FGF12: variants seen among roughly 807,000 people sequenced by gnomAD.
The protein encoded by FGF12 is fibroblast growth factor 12, also known as fibroblast growth factor 12B.
FGF12 carries 14 observed loss-of-function variants against 23.6 expected under a neutral mutation model. That is an observed-to-expected ratio of 0.59 (90% CI 0.39 to 0.93). The LOEUF (loss-of-function observed/expected upper bound fraction) is 0.93. Among genes scored for constraint, FGF12 ranks in the 40% least tolerant of loss-of-function variants. The pLI is 0.00. For missense variants in FGF12, 175 were observed against 217.8 expected, an observed-to-expected ratio of 0.80 and a Z score of 1.24; for synonymous variants, 62 against 77.3, an observed-to-expected ratio of 0.80 and a Z score of 1.04.
At chr3:192,523,319 G>A (rs527893758) in intron 2 of FGF12, among the ~76,000 whole-genome samples, 2 of 152,268 alleles carry the variant, frequency 1.3e-5, no homozygotes, top group African/African-American at 4.8e-5. Context: ...AGGATGAAGG[G>A]ATGCATGAGG....
chr3:192,345,439 GCAC>G (rs1717908984), intron 3 of FGF12, among the ~76,000 whole-genome samples: 2 of 42,906 alleles, frequency 4.7e-5, no homozygotes, highest in Non-Finnish European at 6.9e-5. Context: ...TGTAATCCCA[GCAC>G]TTTGGGAGGC....
chr3:192,426,485 G>A (rs1433897789), intron 2 of FGF12, among the ~76,000 whole-genome samples: 1 of 152,198 alleles, frequency 6.6e-6, no homozygotes, highest in Non-Finnish European at 1.5e-5. Flanking sequence ...TATGTTTAAT[G>A]CTACTTTTGA....
chr3:192,264,663 TTATAC>T (rs1712970086), intron 4 of FGF12, among the ~76,000 whole-genome samples: 1 of 152,130 alleles, frequency 6.6e-6, no homozygotes, highest in Non-Finnish European at 1.5e-5. Context: ...AGGTCATACT[TTATAC>T]TTTATTGAGT....
intron 2 of FGF12, among the ~76,000 whole-genome samples, chr3:192,679,259 T>C (rs1309530261): frequency 1.3e-5 from 2 of 152,084 alleles, no homozygotes; most frequent in Admixed American, 1.3e-4. Flanking sequence ...GCAGAAAATG[T>C]GGAGTTGACA....
rs1328856764 is a variant in FGF12 at position 192,150,262 on chromosome 3, G to C, written c.428-6135C>G. Among the ~76,000 whole-genome samples, 4 of 86,594 alleles carry C rather than the reference G, an allele frequency of 4.6e-5. 1 individual carries two copies. The East Asian group carries it at 1.1e-3, about 24-fold the overall frequency. 56.8% of individuals were successfully genotyped at this position (86,594 alleles called of 152,430 possible). ...TGCGAAAATTTTCTCCCATTTTGTA[G>C]GTTGCCTGTTCACTCTGATGGTAGT... On this transcript the variant is annotated intron_variant, in intron 5 of 5. Transcript: ENST00000445105.
intron 2 of FGF12, among the ~76,000 whole-genome samples, chr3:192,696,276 T>C (rs1247908117): frequency 1.3e-5 from 2 of 151,978 alleles, no homozygotes; most frequent in South Asian, 2.1e-4. Context: ...CCCTTTCCTA[T>C]AAGTGAGGCC....
At chr3:192,349,454 T>C (rs1041690778) in intron 3 of FGF12, among the ~76,000 whole-genome samples, 1 of 152,070 alleles carries the variant, frequency 6.6e-6, no homozygotes, top group African/African-American at 2.4e-5. Flanking sequence ...TGAGTGTGTA[T>C]TTTCTTTTTC....
intron 4 of FGF12, among the ~76,000 whole-genome samples, chr3:192,297,978 A>AT (rs1336408777): frequency 2.0e-5 from 3 of 152,324 alleles, no homozygotes; most frequent in Non-Finnish European, 4.4e-5. Flanking sequence ...ATTTCTGAAT[A>AT]TAACACTGAG....
At chr3:192,678,544 A>ACT (rs1717408199) in intron 2 of FGF12, among the ~76,000 whole-genome samples, 1 of 151,952 alleles carries the variant, frequency 6.6e-6, no homozygotes, top group African/African-American at 2.4e-5. Flanking sequence ...CCTCCACTCA[A>ACT]CTTTCTCAGT....
At chr3:192,288,123 T>C (rs541906309) in intron 4 of FGF12, among the ~76,000 whole-genome samples, 13 of 152,156 alleles carry the variant, frequency 8.5e-5, no homozygotes, top group African/African-American at 2.9e-4. Flanking sequence ...AGGCATAACT[T>C]TGGGTAGAAG....
intron 2 of FGF12, among the ~76,000 whole-genome samples, chr3:192,512,859 T>TATATATATATATATATATAA (rs376386122): frequency 0.034 from 1,960 of 56,864 alleles, 58 homozygotes; most frequent in South Asian, 0.047. Context: ...TATATATATA[T>TATATATATATATATATATAA]AACAGGCTAT....
chr3:192,608,889 A>C (rs4687347), intron 2 of FGF12, among the ~76,000 whole-genome samples: 1 of 152,190 alleles, frequency 6.6e-6, no homozygotes, highest in East Asian at 1.9e-4. Flanking sequence ...AATGCAGAAG[A>C]AGTGCATGGT....
chr3:192,484,995 C>CAT (rs1321924504), intron 2 of FGF12, among the ~76,000 whole-genome samples: 2 of 149,904 alleles, frequency 1.3e-5, no homozygotes, highest in Admixed American at 6.6e-5. Flanking sequence ...TATGTGTACA[C>CAT]ATAAATTTTA....
At chr3:192,696,074 G>A (rs1481801421) in intron 2 of FGF12, among the ~76,000 whole-genome samples, 1 of 152,128 alleles carries the variant, frequency 6.6e-6, no homozygotes, top group East Asian at 1.9e-4. Context: ...ACTCCAACCT[G>A]GGTGACGGAG....
intron 2 of FGF12, among the ~76,000 whole-genome samples, chr3:192,567,801 C>CTTTCTT (rs1315183581): frequency 9.6e-6 from 1 of 103,988 alleles, no homozygotes; most frequent in South Asian, 3.1e-4. Context: ...TTCTTTCTTT[C>CTTTCTT]TCTTTCTTTC....
intron 2 of FGF12, among the ~76,000 whole-genome samples, chr3:192,436,567 C>T (rs1337607562): frequency 2.0e-5 from 3 of 152,204 alleles, no homozygotes; most frequent in Non-Finnish European, 4.4e-5. Context: ...TGGAGCAAGG[C>T]TTTGACTTCG....
chr3:192,345,329 TG>T (rs1490944999), intron 3 of FGF12, among the ~76,000 whole-genome samples: 4 of 152,280 alleles, frequency 2.6e-5, no homozygotes, highest in Admixed American at 1.3e-4. Flanking sequence ...AGTCAGCTAG[TG>T]AAAAAGCTAA....
At chr3:192,642,219 T>C (rs1715832175) in intron 2 of FGF12, among the ~76,000 whole-genome samples, 1 of 152,228 alleles carries the variant, frequency 6.6e-6, no homozygotes, top group South Asian at 2.1e-4. Context: ...ACATCCATTA[T>C]TCCATTAATC....
intron 2 of FGF12, among the ~76,000 whole-genome samples, chr3:192,488,811 G>A (rs1331195136): frequency 6.6e-6 from 1 of 151,978 alleles, no homozygotes; most frequent in Non-Finnish European, 1.5e-5. Context: ...TCTCTGTAGG[G>A]CAATACATAC....
Sources: gnomAD v4.1 joint callset for allele counts (sites outside exome capture counted in the v4.1 genomes callset) on GRCh38, gnomAD v4.1.1 for gene constraint, MANE v1.5 for transcripts, NCBI Gene and HGNC (gene_info 2026-07-23, HGNC 2026-07-21) for gene names.